The following NRXN1 variants were observed in gnomAD, a reference collection of about 807,000 sequenced individuals.
NRXN1 encodes the protein neurexin-1.
NRXN1 carries 39 observed loss-of-function variants against 150.9 expected under a neutral mutation model. The observed-to-expected ratio is 0.26, with a 90% CI of 0.20 to 0.34. NRXN1 has a LOEUF of 0.34. Ranked by LOEUF, NRXN1 falls within the 10% of genes least tolerant of loss-of-function variation. The probability of loss-of-function intolerance (pLI) is 1.00; values close to 1 mark genes in which losing one functional copy is unlikely to be tolerated. For missense variants in NRXN1, 1,815 were observed against 1,949.9 expected (o/e 0.93, Z 1.30); for synonymous variants, 924 against 757.0 (o/e 1.22, Z -3.62).
intron 18 of NRXN1, among the ~76,000 whole-genome samples, chr2:50,166,322 TGTTTG>T: frequency 2.2e-5 from 3 of 135,278 alleles, no homozygotes; most frequent in African/African-American, 6.5e-5. Flanking sequence ...TGTGTGTGTG[TGTTTG>T]TGTGTGTGTG....
chr2:50,860,852 G>T (rs766124827), intron 5 of NRXN1, among the ~76,000 whole-genome samples: 27 of 152,204 alleles, frequency 1.8e-4, no homozygotes, highest in Admixed American at 3.3e-4. Context: ...TATAAGTGAA[G>T]AGTCTTCACA....
intron 21 of NRXN1, among the ~76,000 whole-genome samples, chr2:49,994,292 A>G (rs1682545434): frequency 6.6e-6 from 1 of 152,222 alleles, no homozygotes. Context: ...ATGTGCAGGC[A>G]GAAATAGGTG....
intron 5 of NRXN1, among the ~76,000 whole-genome samples, chr2:50,861,399 A>G (rs1323662762): frequency 6.6e-6 from 1 of 151,982 alleles, no homozygotes; most frequent in Non-Finnish European, 1.5e-5. Flanking sequence ...TTTAGTTTCA[A>G]ACTCTATTTT....
intron 2 of NRXN1, among the ~76,000 whole-genome samples, chr2:50,955,083 A>G (rs560797822): frequency 1.3e-5 from 2 of 152,016 alleles, no homozygotes; most frequent in Non-Finnish European, 2.9e-5. Context: ...CTCTCTCTCT[A>G]TCTCTCACAC....
At chr2:50,271,285 T>C (rs1345700822) in intron 17 of NRXN1, among the ~76,000 whole-genome samples, 2 of 152,176 alleles carry the variant, frequency 1.3e-5, no homozygotes, top group Admixed American at 6.5e-5. Context: ...GAGGACAGAA[T>C]GTTGTATTTT....
At chr2:50,672,197 A>G (rs1345928321) in intron 5 of NRXN1, among the ~76,000 whole-genome samples, 1 of 151,872 alleles carries the variant, frequency 6.6e-6, no homozygotes, top group Non-Finnish European at 1.5e-5. Flanking sequence ...TTTTTTACAC[A>G]GCAATTCAAA....
Position 50,624,394 on chromosome 2 carries a change from C to T in NRXN1, c.833-779G>A, listed in dbSNP as rs778364296. On this transcript the variant is annotated intron_variant, in intron 5 of 22. Transcript: ENST00000401669. ...ATGCATATTGGATGGTTCCACTCTGCTGACAACAATGGATTCCAAGATGTT... is the reference window on the plus strand; with the variant it reads ...ATGCATATTGGATGGTTCCACTCTGTTGACAACAATGGATTCCAAGATGTT... Among the ~76,000 whole-genome samples the T allele has an allele frequency of 6.4e-4, 97 of 152,120 alleles. 2 individuals are homozygous for T. Among genetic ancestry groups the T allele is most frequent in the Admixed American group, 3.9e-4 (6 of 15,256 alleles).
At chr2:50,167,799 T>C (rs1382391460) in intron 18 of NRXN1, among the ~76,000 whole-genome samples, 2 of 152,178 alleles carry the variant, frequency 1.3e-5, no homozygotes, top group East Asian at 3.9e-4. Context: ...AGTTTGTTTA[T>C]TGTGATAATT....
chr2:50,781,994 A>G (rs1288421207), intron 5 of NRXN1, among the ~76,000 whole-genome samples: 1 of 152,212 alleles, frequency 6.6e-6, no homozygotes, highest in Non-Finnish European at 1.5e-5. Flanking sequence ...TTGTATTACT[A>G]TCACCGAAAA....
At chr2:50,146,832 C>T (rs2152766671) in intron 18 of NRXN1, among the ~76,000 whole-genome samples, 1 of 151,706 alleles carries the variant, frequency 6.6e-6, no homozygotes, top group East Asian at 1.9e-4. Flanking sequence ...CATTGAAATT[C>T]TGTATCGTCA....
At chr2:50,607,033 G>A (rs1170060815) in intron 8 of NRXN1, among the ~76,000 whole-genome samples, 1 of 152,044 alleles carries the variant, frequency 6.6e-6, no homozygotes, top group Admixed American at 6.6e-5. Flanking sequence ...GTCATCTAAC[G>A]AAGCCTAATT....
Position 50,346,725 on chromosome 2 carries a change from G to T in NRXN1, c.3365-109755C>A. 6.2e-7 allele frequency: 1 copy of T among 1,613,964 alleles called. No individual in the cohort carries two copies. ...CTCGCAAGGATGCCGGTGACCTGTA[G>T]ATTGCAATAGGCACTGAATGATGCT... On this transcript the variant is annotated intron_variant, in intron 17 of 22. Transcript: ENST00000401669. This position sits in a 1 kb window ranked among gnomAD's most constrained non-coding sequence, Gnocchi z 5.0.
At chr2:50,109,237 A>G (rs188343334) in intron 18 of NRXN1, among the ~76,000 whole-genome samples, 101 of 152,284 alleles carry the variant, frequency 6.6e-4, no homozygotes, top group Non-Finnish European at 1.1e-3. Context: ...GTCTCTAACT[A>G]TATTTGTAAT....
intron 17 of NRXN1, among the ~76,000 whole-genome samples, chr2:50,381,977 A>G (rs1171596305): frequency 6.6e-6 from 1 of 152,130 alleles, no homozygotes; most frequent in Admixed American, 6.6e-5. Flanking sequence ...AGGACAGAGA[A>G]GTTATTTAGT....
At chr2:50,345,660 T>A (rs188996233) in intron 17 of NRXN1, among the ~76,000 whole-genome samples, 1 of 152,200 alleles carries the variant, frequency 6.6e-6, no homozygotes, top group Non-Finnish European at 1.5e-5. Flanking sequence ...ATCTGAAAAT[T>A]AGAGGAATCT....
intron 18 of NRXN1, among the ~76,000 whole-genome samples, chr2:50,096,012 T>G (rs1310499012): frequency 6.8e-6 from 1 of 146,938 alleles, no homozygotes; most frequent in African/African-American, 2.5e-5. Flanking sequence ...TCATTTGACT[T>G]TTAAATGACG....
intron 19 of NRXN1, among the ~76,000 whole-genome samples, chr2:50,080,032 A>G (rs1697714405): frequency 6.6e-6 from 1 of 152,166 alleles, no homozygotes; most frequent in Non-Finnish European, 1.5e-5. Flanking sequence ...CATTCTGAGT[A>G]GCAAGATAAA....
intron 17 of NRXN1, among the ~76,000 whole-genome samples, chr2:50,424,384 G>C (rs2084311524): frequency 6.7e-6 from 1 of 150,266 alleles, no homozygotes; most frequent in Non-Finnish European, 1.5e-5. Flanking sequence ...AGGGATTTAA[G>C]AGGAGAAATG....
At chr2:50,315,705 C>T (rs146136651) in intron 17 of NRXN1, among the ~76,000 whole-genome samples, 173 of 152,158 alleles carry the variant, frequency 1.1e-3, no homozygotes, top group Non-Finnish European at 2.0e-3. Flanking sequence ...CCTCAGATTC[C>T]TAGGCTAGCC....
Sources: gnomAD v4.1 joint callset for allele counts (sites outside exome capture counted in the v4.1 genomes callset) on GRCh38, gnomAD v4.1.1 for gene constraint, Gnocchi (gnomAD v3.1) non-coding constraint, MANE v1.5 for transcripts, NCBI Gene and HGNC (gene_info 2026-07-23, HGNC 2026-07-21) for gene names.